PTAR1: variants seen among roughly 807,000 people sequenced by gnomAD.
PTAR1 encodes protein prenyltransferase alpha subunit repeat-containing protein 1.
PTAR1 carries 17 observed loss-of-function variants against 45.5 expected under a neutral mutation model. The ratio of observed to expected loss-of-function variants is 0.37; its 90% CI spans 0.26 to 0.56. The LOEUF (loss-of-function observed/expected upper bound fraction) is 0.56, where lower values mean the gene tolerates loss of function less well. Ranked by LOEUF, PTAR1 falls within the 20% of genes least tolerant of loss-of-function variation. The pLI is 0.77. For synonymous variants in PTAR1, 169 were observed against 171.3 expected (o/e 0.99, Z 0.11); for missense variants, 391 against 476.3 (o/e 0.82, Z 1.67).
intron 6 of PTAR1, among the ~76,000 whole-genome samples, chr9:69,721,840 T>G (rs546180695): frequency 6.6e-6 from 1 of 152,250 alleles, no homozygotes; most frequent in East Asian, 1.9e-4. Flanking sequence ...ATAATGCTGT[T>G]GCACACTTCT....
At chr9:69,731,739 C>T (rs1825547855) in intron 5 of PTAR1, among the ~76,000 whole-genome samples, 1 of 151,198 alleles carries the variant, frequency 6.6e-6, no homozygotes, top group Non-Finnish European at 1.5e-5. Flanking sequence ...CCTCCTCTCC[C>T]CCTTTTCAGA....
At chr9:69,754,873 CTGAG>C (rs1219710180) in intron 1 of PTAR1, among the ~76,000 whole-genome samples, 3 of 151,724 alleles carry the variant, frequency 2.0e-5, no homozygotes, top group Admixed American at 1.3e-4. Context: ...TCCTTTTTTC[CTGAG>C]TATTTTCAAA....
intron 3 of PTAR1, 98 bp from the exon 4 acceptor site, chr9:69,734,352 C>G: frequency 1.9e-6 from 1 of 531,866 alleles, no homozygotes; most frequent in Non-Finnish European, 3.1e-6. Context: ...CATTGTGAAG[C>G]GAATGTCTAA....
intron 1 of PTAR1, among the ~76,000 whole-genome samples, chr9:69,754,347 C>T (rs374453943): frequency 8.9e-4 from 136 of 152,056 alleles, no homozygotes; most frequent in African/African-American, 3.1e-3. Flanking sequence ...TAGCCCCAAA[C>T]CCCTGACACT....
intron 3 of PTAR1, among the ~76,000 whole-genome samples, chr9:69,739,676 T>C (rs969322445): frequency 6.6e-6 from 1 of 152,170 alleles, no homozygotes; most frequent in African/African-American, 2.4e-5. Flanking sequence ...TGATACGCAA[T>C]AGAGACCTTA....
chr9:69,757,683 T>A (rs950242342), intron 1 of PTAR1: 6 of 151,804 alleles, frequency 4.0e-5, no homozygotes, highest in Admixed American at 6.6e-5. Context: ...AACAAAAAAA[T>A]TTTTGTATAA....
At chr9:69,723,798 T>C (rs1436165711) in intron 5 of PTAR1, among the ~76,000 whole-genome samples, 168 bp from the exon 6 acceptor site, 1 of 152,198 alleles carries the variant, frequency 6.6e-6, no homozygotes, top group Non-Finnish European at 1.5e-5. Flanking sequence ...GGAAGCTTAA[T>C]ACATGCGAAT....
At chr9:69,734,722 G>A (rs1353650331) in intron 3 of PTAR1, among the ~76,000 whole-genome samples, 5 of 151,744 alleles carry the variant, frequency 3.3e-5, no homozygotes, top group Non-Finnish European at 5.9e-5. Flanking sequence ...TGGTTGAGAT[G>A]TAAGGGAAAA....
intron 5 of PTAR1, among the ~76,000 whole-genome samples, chr9:69,724,660 T>A (rs1329815994): frequency 6.6e-6 from 1 of 151,618 alleles, no homozygotes; most frequent in African/African-American, 2.4e-5. Context: ...ACCCCCATAG[T>A]ACTTATGTAT....
chr9:69,747,624 TA>T (rs1476419833), intron 2 of PTAR1, among the ~76,000 whole-genome samples: 1 of 152,200 alleles, frequency 6.6e-6, no homozygotes, highest in East Asian at 1.9e-4. Flanking sequence ...AAGGCTGTGA[TA>T]AACTGGAACA....
chr9:69,752,837 A>G (rs1826591918), intron 1 of PTAR1, among the ~76,000 whole-genome samples: 2 of 152,100 alleles, frequency 1.3e-5, no homozygotes, highest in African/African-American at 4.8e-5. Flanking sequence ...ATTTGGTAGT[A>G]TCCTGAAATC....
In PTAR1 at chr9:69,716,971, C is replaced by T. The variant is rs1335355144; in HGVS notation, c.*1371G>A. 6.6e-6 allele frequency: 1 copy of T among 151,976 alleles called. No homozygotes were observed. Among genetic ancestry groups the T allele is most frequent in the East Asian group, 1.9e-4 (1 of 5,188 alleles). The allele number at this position is 151,976 out of a possible 1,614,324, so 9.4% of individuals were successfully genotyped here. A position where few individuals can be genotyped will look rare whatever the true frequency, so the allele number is the denominator to read the frequency against. On this transcript the variant is annotated 3_prime_UTR_variant, in exon 8 of 8. Coordinates refer to ENST00000340434, the MANE Select transcript of PTAR1 (RefSeq NM_001099666.2). ...AAGTATATGAAAAGAAGAAACAGACCACTTACAAAAGGGCAAATATAAGAA... is the reference window on the plus strand; with the variant it reads ...AAGTATATGAAAAGAAGAAACAGACTACTTACAAAAGGGCAAATATAAGAA...
Position 69,715,327 on chromosome 9 carries a change from A to T in PTAR1, c.*3015T>A, listed in dbSNP as rs575204555. ...TCCATCAATTTCTCAATCATCACTC[A>T]TTCTTAACACTCACAAACAATCTTT... is the stretch of plus-strand genomic sequence containing the variant. On this transcript the variant is annotated 3_prime_UTR_variant, in exon 8 of 8. Coordinates refer to ENST00000340434, the MANE Select transcript of PTAR1 (RefSeq NM_001099666.2). The T allele has an allele frequency of 4.3e-5, 6 of 141,116 alleles. No homozygotes were observed. Among genetic ancestry groups the T allele is most frequent in the African/African-American group, 1.5e-4 (6 of 40,742 alleles). 8.7% of individuals were successfully genotyped at this position (141,116 alleles called of 1,614,324 possible).
chr9:69,757,387 T>A (rs1423853572), intron 1 of PTAR1: 1 of 152,180 alleles, frequency 6.6e-6, no homozygotes. Flanking sequence ...CAATATATTT[T>A]TGGTGAGGAA....
At chr9:69,743,342 T>C (rs1294088775) in intron 2 of PTAR1, among the ~76,000 whole-genome samples, 1 of 152,182 alleles carries the variant, frequency 6.6e-6, no homozygotes, top group Admixed American at 6.5e-5. Context: ...TGGGACATTT[T>C]CAGTGTTTAA....
intron 6 of PTAR1, among the ~76,000 whole-genome samples, chr9:69,719,929 T>C (rs1448792141): frequency 6.6e-6 from 1 of 152,138 alleles, no homozygotes; most frequent in Non-Finnish European, 1.5e-5. Context: ...AACCAATAAA[T>C]GTTGTGTGTG....
intron 1 of PTAR1, among the ~76,000 whole-genome samples, 183 bp downstream of exon 1, chr9:69,759,670 T>C (rs1401104556): frequency 3.3e-5 from 5 of 152,080 alleles, no homozygotes; most frequent in Non-Finnish European, 7.4e-5. Context: ...CGCGTCCCGG[T>C]AGCGGAAAGC....
At chr9:69,725,130 C>G (rs1825206282) in intron 5 of PTAR1, among the ~76,000 whole-genome samples, 1 of 152,054 alleles carries the variant, frequency 6.6e-6, no homozygotes, top group Admixed American at 6.6e-5. Flanking sequence ...AATACAGCAG[C>G]TTTTTTATTT....
At chr9:69,722,433 C>A (rs1301279125) in intron 6 of PTAR1, among the ~76,000 whole-genome samples, 2 of 152,276 alleles carry the variant, frequency 1.3e-5, no homozygotes, top group South Asian at 2.1e-4. Context: ...AGGTTGCTAA[C>A]CCTTTTTCAC....
Sources: gnomAD v4.1 joint callset for allele counts (sites outside exome capture counted in the v4.1 genomes callset) on GRCh38, gnomAD v4.1.1 for gene constraint, MANE v1.5 for transcripts, NCBI Gene and HGNC (gene_info 2026-07-23, HGNC 2026-07-21) for gene names.